Variants in PLEKHA6 observed in about 807,000 individuals in gnomAD.
PLEKHA6 encodes the protein pleckstrin homology domain-containing family A member 6.
Under a neutral mutation model 116.7 loss-of-function variants are expected in PLEKHA6, and 60 were observed. The ratio of observed to expected loss-of-function variants is 0.51; its 90% CI spans 0.42 to 0.64. The LOEUF (loss-of-function observed/expected upper bound fraction) is 0.64. PLEKHA6 is among the 30% of genes least tolerant of loss of function. The pLI is 0.00. For synonymous variants in PLEKHA6, 489 were observed against 556.1 expected (o/e 0.88, Z 1.70); for missense variants, 1,338 against 1,422.7 (o/e 0.94, Z 0.96).
chr1:204,370,973 G>T (rs2103413836), intron 2 of PLEKHA6, among the ~76,000 whole-genome samples: 1 of 148,954 alleles, frequency 6.7e-6, no homozygotes, highest in South Asian at 2.1e-4. Flanking sequence ...AGAATCTCTT[G>T]AACCCGGGAG....
chr1:204,273,134 C>CCCTTCCTTCCTTCCCCCGGGGT (rs1558116847), intron 3 of PLEKHA6, among the ~76,000 whole-genome samples: 1 of 151,860 alleles, frequency 6.6e-6, no homozygotes, highest in East Asian at 1.9e-4. Flanking sequence ...TCTCCTGGGG[C>CCCTTCCTTCCTTCCCCCGGGGT]TCTCTTCCTT....
chr1:204,321,448 C>T (rs911817447), intron 1 of PLEKHA6, among the ~76,000 whole-genome samples: 4 of 151,726 alleles, frequency 2.6e-5, no homozygotes, highest in Non-Finnish European at 5.9e-5. Flanking sequence ...TACTGCCCCC[C>T]TGCAGTGCAC....
intron 1 of PLEKHA6, among the ~76,000 whole-genome samples, chr1:204,302,598 C>T (rs558393647): frequency 3.9e-5 from 6 of 152,316 alleles, no homozygotes; most frequent in East Asian, 1.9e-4. Context: ...CACTGCCAGC[C>T]GGGTACAGTG....
At position 204,273,966 on chromosome 1, in the gene PLEKHA6, CTG is replaced by C. The variant is rs567851248; in HGVS notation, c.-13-228_-13-227del. On this transcript the variant is annotated intron_variant, in intron 2 of 22. Transcript: ENST00000272203. ...ATTTATTTTTTGAGACAGGGTCTTG[CTG>C]TGTCACCCAGCCTGTAGCACAGTGG... is the stretch of plus-strand genomic sequence containing the variant. Among the ~76,000 whole-genome samples, 1,281 of 152,276 alleles carry C rather than the reference CTG, an allele frequency of 8.4e-3. 9 individuals carry two copies. The highest frequency in any genetic ancestry group is 0.031 in the Middle Eastern group (9 of 294).
chr1:204,252,843 G>A (rs1205164642), intron 9 of PLEKHA6, among the ~76,000 whole-genome samples: 1 of 152,170 alleles, frequency 6.6e-6, no homozygotes, highest in Non-Finnish European at 1.5e-5. Flanking sequence ...GTAATGCAAG[G>A]GCCTTGAGGG....
intron 3 of PLEKHA6, among the ~76,000 whole-genome samples, chr1:204,273,336 A>G (rs537132814): frequency 6.6e-6 from 1 of 152,196 alleles, no homozygotes. Flanking sequence ...ATGCTGCTCA[A>G]CATCCTACAA....
intron 1 of PLEKHA6, among the ~76,000 whole-genome samples, chr1:204,295,108 T>TG (rs1055732328): frequency 1.8e-4 from 27 of 152,322 alleles, no homozygotes; most frequent in African/African-American, 6.5e-4. Flanking sequence ...TAATTTGAAC[T>TG]GGGAGGTGGG....
chr1:204,270,460 C>G (rs1220421059), intron 3 of PLEKHA6, among the ~76,000 whole-genome samples: 2 of 152,170 alleles, frequency 1.3e-5, no homozygotes, highest in Non-Finnish European at 2.9e-5. Flanking sequence ...TCTAACCAAG[C>G]CTGTTCTGCA....
rs1661491908 is a variant in PLEKHA6, at chr1:204,233,373, C to T, written c.2410-2787G>A. On this transcript the variant is annotated intron_variant, in intron 17 of 22. Coordinates refer to ENST00000272203, the MANE Select transcript of PLEKHA6 (RefSeq NM_014935.5). ...TTTTTTTTTTTGAGATGGAGTCTCA[C>T]TCTGTCACCCAGGCTGGAATGCAGG... Among the ~76,000 whole-genome samples, 4 of 144,948 alleles carry T rather than the reference C, an allele frequency of 2.8e-5. No homozygotes were observed. The South Asian group carries it at 8.8e-4, about 32-fold the overall frequency.
At chr1:204,268,126 G>T in intron 4 of PLEKHA6, 82 bp downstream of exon 4, 1 of 837,636 alleles carries the variant, frequency 1.2e-6, no homozygotes, top group Non-Finnish European at 1.9e-6. Context: ...AAAATACACA[G>T]CCTGTCATAA....
chr1:204,276,336 A>G (rs939092860), intron 1 of PLEKHA6, among the ~76,000 whole-genome samples: 1 of 151,968 alleles, frequency 6.6e-6, no homozygotes, highest in Non-Finnish European at 1.5e-5. Flanking sequence ...CCACTTCCCA[A>G]ACTTTATTCC....
intron 1 of PLEKHA6, among the ~76,000 whole-genome samples, chr1:204,321,074 C>A (rs1166548456): frequency 6.6e-6 from 1 of 152,060 alleles, no homozygotes; most frequent in Non-Finnish European, 1.5e-5. Context: ...GCTGTTGTTT[C>A]GGGTCAGAAT....
chr1:204,261,452 T>C lies in PLEKHA6; in HGVS notation c.382-4A>G, dbSNP rs1241892315. On this transcript the variant is annotated splice_region_variant and splice_polypyrimidine_tract_variant and intron_variant, in intron 6 of 22. Transcript: ENST00000272203. The surrounding 1 kb of genome is among the most constrained non-coding windows in gnomAD (Gnocchi z 4.0). ...TGCGGACCCCGGCATGCTCAGCCTGTGGGGAGAGGCAGCGTGTGGAGCTGG... is the reference window on the plus strand; with the variant it reads ...TGCGGACCCCGGCATGCTCAGCCTGCGGGGAGAGGCAGCGTGTGGAGCTGG... 6 of 1,605,834 alleles carry C rather than the reference T, an allele frequency of 3.7e-6. No homozygotes were observed. Among genetic ancestry groups the C allele is most frequent in the Non-Finnish European group, 5.1e-6 (6 of 1,175,036 alleles).
intron 14 of PLEKHA6, 27 bp from the exon 15 acceptor site, chr1:204,245,030 G>T: frequency 7.2e-7 from 1 of 1,397,768 alleles, no homozygotes; most frequent in Non-Finnish European, 9.3e-7. Flanking sequence ...GGATGGGTGA[G>T]CAATGGAGGA....
chr1:204,363,011 T>C (rs572035506), upstream of PLEKHA6, among the ~76,000 whole-genome samples: 7 of 152,348 alleles, frequency 4.6e-5, no homozygotes, highest in East Asian at 1.2e-3. Flanking sequence ...TTCTTTACTG[T>C]TCTGGGGTGT....
intron 1 of PLEKHA6, among the ~76,000 whole-genome samples, chr1:204,373,390 AT>A (rs35131724): frequency 0.33 from 49,692 of 149,332 alleles, 11,292 homozygotes; most frequent in African/African-American, 0.63. Flanking sequence ...GTCTCTGGCT[AT>A]TTTTTTTTTG....
chr1:204,244,028 A>G (rs11807583), intron 15 of PLEKHA6, among the ~76,000 whole-genome samples: 28 of 151,142 alleles, frequency 1.9e-4, no homozygotes, highest in African/African-American at 6.3e-4. Context: ...TCACTGTGTT[A>G]GCCAGGATGG....
chr1:204,231,096 T>C (rs1333855601), intron 17 of PLEKHA6, among the ~76,000 whole-genome samples: 1 of 152,180 alleles, frequency 6.6e-6, no homozygotes, highest in East Asian at 1.9e-4. Context: ...ACAGCAGTCC[T>C]AGGAAACTAA....
chr1:204,243,090 C>T, intron 15 of PLEKHA6: 1 of 399,252 alleles, frequency 2.5e-6, no homozygotes, highest in Non-Finnish European at 4.4e-6. Flanking sequence ...GCCCCACCCT[C>T]CAGGACCCAA....
Sources: gnomAD v4.1 joint callset for allele counts (sites outside exome capture counted in the v4.1 genomes callset) on GRCh38, gnomAD v4.1.1 for gene constraint, Gnocchi (gnomAD v3.1) non-coding constraint, MANE v1.5 for transcripts, NCBI Gene and HGNC (gene_info 2026-07-23, HGNC 2026-07-21) for gene names.